CHRNA7: variants seen among roughly 807,000 people sequenced by gnomAD.
The protein encoded by CHRNA7 is neuronal acetylcholine receptor subunit alpha-7.
CHRNA7 carries 17 observed loss-of-function variants against 48.0 expected under a neutral mutation model. That is an observed-to-expected ratio of 0.35 (90% CI 0.24 to 0.53). The LOEUF (loss-of-function observed/expected upper bound fraction) is 0.53, where lower values mean the gene tolerates loss of function less well. Among genes scored for constraint, CHRNA7 ranks in the 20% least tolerant of loss-of-function variants. The pLI is 0.92. For missense variants in CHRNA7, 155 were observed against 577.7 expected, an observed-to-expected ratio of 0.27 and a Z score of 7.50; for synonymous variants, 75 against 242.3, an observed-to-expected ratio of 0.31 and a Z score of 6.41.
chr15:32,166,472 T>A (rs2052153476), intron 9 of CHRNA7: 1 of 152,362 alleles, frequency 6.6e-6, no homozygotes, highest in Admixed American at 6.5e-5. Flanking sequence ...GAAACTGGTC[T>A]TGTGCTTCCC....
chr15:32,067,294 A>T (rs960664036), intron 2 of CHRNA7, among the ~76,000 whole-genome samples: 5 of 152,252 alleles, frequency 3.3e-5, no homozygotes, highest in African/African-American at 1.2e-4. Context: ...AACTCATCAC[A>T]TGCAAAGTAG....
At chr15:32,055,827 A>G (rs547032478) in intron 2 of CHRNA7, among the ~76,000 whole-genome samples, 48 of 152,076 alleles carry the variant, frequency 3.2e-4, no homozygotes, top group African/African-American at 1.2e-3. Context: ...AAAATACAAA[A>G]AATTAGCCGG....
chr15:32,092,802 T>C (rs1010042045), intron 2 of CHRNA7, among the ~76,000 whole-genome samples: 1 of 152,220 alleles, frequency 6.6e-6, no homozygotes, highest in African/African-American at 2.4e-5. Flanking sequence ...TCTATTGGCC[T>C]TTGGAACCCA....
chr15:32,137,151 A>C (rs558160885), intron 4 of CHRNA7, among the ~76,000 whole-genome samples: 59 of 152,288 alleles, frequency 3.9e-4, no homozygotes, highest in Middle Eastern at 3.4e-3. Flanking sequence ...ACAGTAGACA[A>C]GATAAAAGTA....
intron 2 of CHRNA7, among the ~76,000 whole-genome samples, chr15:32,043,773 T>A (rs941044183): frequency 6.6e-6 from 1 of 152,184 alleles, no homozygotes; most frequent in Non-Finnish European, 1.5e-5. Context: ...CCTTTTTTGT[T>A]ACTTTAATTC....
chr15:32,113,001 C>T lies in CHRNA7; in HGVS notation c.350+1102C>T, dbSNP rs142440727. On this transcript the variant is annotated intron_variant, in intron 4 of 9. Coordinates refer to ENST00000306901, the MANE Select transcript of CHRNA7 (RefSeq NM_000746.6). ...GTCTAAAATAGGAGTAAGTGGTCCC[C>T]TGTTGAATGGATCAAACATGTGCCT... 3.7e-3 allele frequency among the ~76,000 whole-genome samples: 566 copies of T among 152,256 alleles called. 6 individuals are homozygous for T. Among genetic ancestry groups the T allele is most frequent in the South Asian group, 0.023 (111 of 4,816 alleles).
At chr15:32,140,010 C>T (rs570448778) in intron 4 of CHRNA7, among the ~76,000 whole-genome samples, 2 of 152,212 alleles carry the variant, frequency 1.3e-5, no homozygotes, top group South Asian at 4.2e-4. Context: ...GCCATGTTGG[C>T]TTGCTGCATC....
intron 4 of CHRNA7, among the ~76,000 whole-genome samples, chr15:32,123,825 C>T (rs2051015957): frequency 6.6e-6 from 1 of 152,036 alleles, no homozygotes; most frequent in South Asian, 2.1e-4. Context: ...CTTTGTGCCC[C>T]TGTGCCCATG....
intron 2 of CHRNA7, among the ~76,000 whole-genome samples, chr15:32,083,282 T>C (rs994656221): frequency 6.6e-6 from 1 of 152,144 alleles, no homozygotes; most frequent in African/African-American, 2.4e-5. Context: ...AAAGTGAGTT[T>C]GGTCCCCTCT....
chr15:32,108,654 T>C (rs551052420), intron 3 of CHRNA7, among the ~76,000 whole-genome samples: 1 of 152,278 alleles, frequency 6.6e-6, no homozygotes, highest in African/African-American at 2.4e-5. Context: ...TCCCACTGCA[T>C]GTTGGCACTC....
Position 32,119,770 on chromosome 15 carries a change from C to T in CHRNA7, c.350+7871C>T, listed in dbSNP as rs553016597. 2.0e-3 allele frequency among the ~76,000 whole-genome samples: 309 copies of T among 152,178 alleles called. No homozygotes were observed. The Middle Eastern group carries it at 0.031, about 15-fold the overall frequency. On this transcript the variant is annotated intron_variant, in intron 4 of 9. Coordinates refer to ENST00000306901, the MANE Select transcript of CHRNA7 (RefSeq NM_000746.6). ...AGCCTGTGGCAGTGGGCAGGTTTTGCTTTTGTTGTTTCTTCTGACATCTCA... is the reference window on the plus strand; with the variant it reads ...AGCCTGTGGCAGTGGGCAGGTTTTGTTTTTGTTGTTTCTTCTGACATCTCA...
At chr15:32,136,647 T>A (rs1403619822) in intron 4 of CHRNA7, among the ~76,000 whole-genome samples, 1 of 151,688 alleles carries the variant, frequency 6.6e-6, no homozygotes, top group African/African-American at 2.4e-5. Flanking sequence ...ATATACAAGG[T>A]TAAAGTGTGA....
intron 4 of CHRNA7, among the ~76,000 whole-genome samples, chr15:32,141,402 T>C (rs145252997): frequency 0.59 from 90,041 of 152,054 alleles, 27,796 homozygotes; most frequent in African/African-American, 0.78. Flanking sequence ...CTTGGCTATG[T>C]GGGCTCTTTT....
In CHRNA7 at chr15:32,080,919, G is replaced by GA. The variant is rs541635608; in HGVS notation, c.196-20381dup. 3.7e-3 allele frequency among the ~76,000 whole-genome samples: 565 copies of GA among 151,930 alleles called. 4 individuals are homozygous for GA. The highest frequency in any genetic ancestry group is 0.013 in the African/African-American group (531 of 41,496). Reference sequence around the variant, plus strand: ...AAATTCTCATCAATGATAGACTAAAGAAATGTGGTACATATACACCATGGA... The same window carrying GA: ...AAATTCTCATCAATGATAGACTAAAGAAAATGTGGTACATATACACCATGGA... On this transcript the variant is annotated intron_variant, in intron 2 of 9. Coordinates refer to ENST00000306901, the MANE Select transcript of CHRNA7 (RefSeq NM_000746.6).
At chr15:32,064,493 A>ATGTGTG (rs1555375846) in intron 2 of CHRNA7, among the ~76,000 whole-genome samples, 1 of 151,692 alleles carries the variant, frequency 6.6e-6, no homozygotes, top group Admixed American at 6.6e-5. Context: ...GTGTGTGTGT[A>ATGTGTG]TGTGTGTGTA....
At chr15:32,046,176 A>G (rs1242075133) in intron 2 of CHRNA7, among the ~76,000 whole-genome samples, 1 of 151,934 alleles carries the variant, frequency 6.6e-6, no homozygotes, top group Non-Finnish European at 1.5e-5. Flanking sequence ...TCCTTTGGGT[A>G]TATACCCAGT....
intron 4 of CHRNA7, among the ~76,000 whole-genome samples, chr15:32,147,836 C>A (rs1485451821): frequency 6.6e-6 from 1 of 152,134 alleles, no homozygotes; most frequent in African/African-American, 2.4e-5. Context: ...CTCCCTCTGT[C>A]TTCTGTTCAG....
At chr15:32,123,151 A>G (rs1422847285) in intron 4 of CHRNA7, among the ~76,000 whole-genome samples, 1 of 152,208 alleles carries the variant, frequency 6.6e-6, no homozygotes, top group Non-Finnish European at 1.5e-5. Flanking sequence ...ACTAAAAGGC[A>G]TAGTTCAGTC....
chr15:32,107,644 C>T (rs984178001), intron 3 of CHRNA7, among the ~76,000 whole-genome samples: 3 of 152,110 alleles, frequency 2.0e-5, no homozygotes, highest in East Asian at 1.9e-4. Context: ...AGTGGAAGGA[C>T]GCAGCGGACA....
Sources: gnomAD v4.1 joint callset for allele counts (sites outside exome capture counted in the v4.1 genomes callset) on GRCh38, gnomAD v4.1.1 for gene constraint, MANE v1.5 for transcripts, NCBI Gene and HGNC (gene_info 2026-07-23, HGNC 2026-07-21) for gene names.